Variants in SYBU observed in about 807,000 individuals in gnomAD.
SYBU encodes the protein syntabulin, also known as GOLSYN A protein.
A neutral mutation model predicts 35.9 loss-of-function variants in SYBU; 21 were observed. The observed-to-expected ratio is 0.58, with a 90% confidence interval of 0.41 to 0.84. The LOEUF (loss-of-function observed/expected upper bound fraction) is 0.84. SYBU is among the 40% of genes least tolerant of loss of function. The pLI is 0.00. For synonymous variants in SYBU, 319 were observed against 324.3 expected (o/e 0.98, Z 0.18); for missense variants, 768 against 848.2 (o/e 0.91, Z 1.17).
In SYBU at chr8:109,668,165, G is replaced by GGAGAGAGAGAAAGGGGAGAGAGGGA. The variant is rs1338581968; in HGVS notation, c.-129+12545_-129+12546insTCCCTCTCTCCCCTTTCTCTCTCTC. Among the ~76,000 whole-genome samples the GGAGAGAGAGAAAGGGGAGAGAGGGA allele has an allele frequency of 5.6e-5, 5 of 88,990 alleles. 1 individual carries two copies. Among genetic ancestry groups the GGAGAGAGAGAAAGGGGAGAGAGGGA allele is most frequent in the African/African-American group, 2.4e-4 (5 of 20,494 alleles). 58.4% of individuals were successfully genotyped at this position (88,990 alleles called of 152,430 possible). ...GAAGAAGAGGCAGAGGGGGAGAGGG[G>GGAGAGAGAGAAAGGGGAGAGAGGGA]GAGAGAGAGAGAGAGAGAGAGAGAG... is the stretch of plus-strand genomic sequence containing the variant. On this transcript the variant is annotated intron_variant, in intron 1 of 5. Coordinates refer to the SYBU transcript ENST00000408889.
intron 1 of SYBU, among the ~76,000 whole-genome samples, chr8:109,689,204 T>C (rs1817588737): frequency 6.6e-6 from 1 of 152,204 alleles, no homozygotes; most frequent in South Asian, 2.1e-4. Flanking sequence ...AGAGATCCCA[T>C]GTACCCTTCA....
At chr8:109,644,173 GC>G (rs1563758389) in intron 1 of SYBU, 1 of 460,824 alleles carries the variant, frequency 2.2e-6, no homozygotes, top group Non-Finnish European at 4.4e-6. Flanking sequence ...CCCGGGGGCC[GC>G]CAGCCGCACG....
In SYBU at chr8:109,691,391, C is replaced by T. The variant is rs988562878; in HGVS notation, c.-116G>A. On this transcript the variant is annotated 5_prime_UTR_variant, in exon 1 of 8. Coordinates refer to the SYBU transcript ENST00000422135. This position sits in a 1 kb window ranked among gnomAD's most constrained non-coding sequence, Gnocchi z 4.7. ...CCAGGAGGAGGCACCTACGTGCGCCCGGGAGACCGGGCCCCGGCTGGGCCG... is the reference window on the plus strand; with the variant it reads ...CCAGGAGGAGGCACCTACGTGCGCCTGGGAGACCGGGCCCCGGCTGGGCCG... The T allele has an allele frequency of 5.8e-6, 4 of 692,450 alleles. No individual in the cohort carries two copies. The African/African-American group carries it at 7.2e-5, about 12-fold the overall frequency. 42.9% of individuals were successfully genotyped at this position (692,450 alleles called of 1,614,324 possible).
chr8:109,608,945 C>G (rs1383779809), intron 3 of SYBU, among the ~76,000 whole-genome samples: 1 of 152,140 alleles, frequency 6.6e-6, no homozygotes, highest in East Asian at 1.9e-4. Context: ...TGCTACATAT[C>G]TAACACCTTT....
In SYBU at chr8:109,575,447, A is replaced by G; in HGVS notation, c.1451T>C (p.Val484Ala). 1 of 1,614,008 alleles carries G rather than the reference A, an allele frequency of 6.2e-7. No homozygotes were observed. Among genetic ancestry groups the G allele is most frequent in the African/African-American group, 1.3e-5 (1 of 74,976 alleles). ...VMGQEEGSVV[V>A]ERAVQTDVVP... ...CACGTCGGTCTGAACGGCTCGCTCC[A>G]CCACCACACTGCCCTCCTCCTGACC... Residue 484 changes from valine (V) to alanine (A), a missense_variant, in exon 7 of 7, where the codon GTG (valine) becomes GCG (alanine). Coordinates refer to ENST00000276646, the MANE Select transcript of SYBU (RefSeq NM_001099754.2).
chr8:109,604,884 G>A (rs1008572264), intron 3 of SYBU, among the ~76,000 whole-genome samples: 4 of 152,132 alleles, frequency 2.6e-5, no homozygotes, highest in African/African-American at 9.7e-5. Flanking sequence ...CAGTAGTCTC[G>A]GCAGAAATCA....
At chr8:109,686,065 G>A (rs997102525) in intron 1 of SYBU, among the ~76,000 whole-genome samples, 1 of 151,948 alleles carries the variant, frequency 6.6e-6, no homozygotes, top group African/African-American at 2.4e-5. Context: ...CTATTTCCAT[G>A]CTGGTTATAA....
chr8:109,684,940 C>G (rs1817486153), upstream of SYBU, among the ~76,000 whole-genome samples: 1 of 152,158 alleles, frequency 6.6e-6, no homozygotes, highest in Non-Finnish European at 1.5e-5. Flanking sequence ...GGTAACAGAT[C>G]TTCCATAAAC....
At chr8:109,673,735 C>T (rs554894841) in intron 1 of SYBU, among the ~76,000 whole-genome samples, 2 of 152,222 alleles carry the variant, frequency 1.3e-5, no homozygotes, top group Admixed American at 1.3e-4. Context: ...GAAACTCCTC[C>T]GAGCTAAAGG....
intron 3 of SYBU, chr8:109,607,966 C>G (rs1389320330): frequency 1.3e-6 from 2 of 1,535,240 alleles, no homozygotes; most frequent in Non-Finnish European, 1.7e-6. Context: ...CAAACAGCCT[C>G]CCAGCACAGG....
chr8:109,662,464 CT>C (rs1281293276), intron 1 of SYBU, among the ~76,000 whole-genome samples: 1 of 152,162 alleles, frequency 6.6e-6, no homozygotes, highest in African/African-American at 2.4e-5. Flanking sequence ...AAAACTACTC[CT>C]GGTCTAGTCC....
upstream of SYBU, among the ~76,000 whole-genome samples, chr8:109,681,832 G>A (rs1379718693): frequency 6.6e-6 from 1 of 152,066 alleles, no homozygotes; most frequent in East Asian, 1.9e-4. Context: ...TCATGGGAGG[G>A]GCCTGGTGGG....
intron 2 of SYBU, among the ~76,000 whole-genome samples, chr8:109,641,124 A>G (rs772552824): frequency 6.6e-5 from 10 of 152,142 alleles, no homozygotes; most frequent in Non-Finnish European, 1.3e-4. Context: ...TAAGACAGTC[A>G]CTCCTTTAAA....
At chr8:109,626,842 G>T (rs942458643) in intron 2 of SYBU, among the ~76,000 whole-genome samples, 1 of 152,100 alleles carries the variant, frequency 6.6e-6, no homozygotes, top group African/African-American at 2.4e-5. Context: ...CTCCAGCCTG[G>T]GTGTCTGAAT....
rs75202862 is a variant in SYBU at position 109,655,142 on chromosome 8, G to A, written c.-129+25569C>T. 9.8e-3 allele frequency among the ~76,000 whole-genome samples: 1,497 copies of A among 152,162 alleles called. 34 individuals are homozygous for A. Among genetic ancestry groups the A allele is most frequent in the African/African-American group, 0.034 (1,430 of 41,522 alleles). ...CCTCATGATTTAATCCTTGCATTCC[G>A]CCTTTGACGTTCACAAATGTTCCCT... On this transcript the variant is annotated intron_variant, in intron 1 of 5. Coordinates refer to the SYBU transcript ENST00000408889.
intron 3 of SYBU, 37 bp from the exon 4 acceptor site, chr8:109,586,199 A>C: frequency 6.8e-7 from 1 of 1,474,398 alleles, no homozygotes; most frequent in South Asian, 1.2e-5. Flanking sequence ...CGTGAGGGAA[A>C]GGAAACTAGA....
At chr8:109,673,151 A>G (rs373533770) in intron 1 of SYBU, among the ~76,000 whole-genome samples, 58 of 152,288 alleles carry the variant, frequency 3.8e-4, no homozygotes, top group African/African-American at 1.3e-3. Flanking sequence ...GAAGAGAGCA[A>G]TGGATCTCCC....
chr8:109,663,258 C>CATACATATAGATAGATAGATAGAT (rs1282405275), intron 1 of SYBU, among the ~76,000 whole-genome samples: 11 of 149,028 alleles, frequency 7.4e-5, no homozygotes, highest in African/African-American at 2.7e-4. Flanking sequence ...AAAATACATA[C>CATACATATAGATAGATAGATAGAT]AGATAGATAG....
chr8:109,650,173 C>A (rs1209580939), intron 1 of SYBU, among the ~76,000 whole-genome samples: 1 of 152,094 alleles, frequency 6.6e-6, no homozygotes, highest in Admixed American at 6.5e-5. Flanking sequence ...CTGAGGGGTT[C>A]ACTCAGCATC....
Sources: gnomAD v4.1 joint callset for allele counts (sites outside exome capture counted in the v4.1 genomes callset) on GRCh38, gnomAD v4.1.1 for gene constraint, Gnocchi (gnomAD v3.1) non-coding constraint, MANE v1.5 for transcripts, NCBI Gene and HGNC (gene_info 2026-07-23, HGNC 2026-07-21) for gene names.